CRTC3: variants seen among roughly 807,000 people sequenced by gnomAD.
CRTC3 encodes CREB regulated transcription coactivator 3, also known as CREB-regulated transcription coactivator 3.
CRTC3 carries 26 observed loss-of-function variants against 74.5 expected under a neutral mutation model. The ratio of observed to expected loss-of-function variants is 0.35; its 90% CI spans 0.26 to 0.48. CRTC3 has a LOEUF of 0.48. Among genes scored for constraint, CRTC3 ranks in the 20% least tolerant of loss-of-function variants. The pLI is 0.99. For missense variants in CRTC3, 760 were observed against 787.3 expected, an observed-to-expected ratio of 0.97 and a Z score of 0.41; for synonymous variants, 377 against 325.8, an observed-to-expected ratio of 1.16 and a Z score of -1.69.
At chr15:90,637,545 A>G (rs542706211) in intron 11 of CRTC3, among the ~76,000 whole-genome samples, 3 of 141,904 alleles carry the variant, frequency 2.1e-5, no homozygotes, top group African/African-American at 4.9e-5. Context: ...CTAGAACTTA[A>G]AAAAATAAAA....
intron 2 of CRTC3, among the ~76,000 whole-genome samples, chr15:90,545,822 C>T (rs923630419): frequency 6.6e-6 from 1 of 152,042 alleles, no homozygotes; most frequent in Non-Finnish European, 1.5e-5. Flanking sequence ...TTGTGATCCG[C>T]CCGCCTTGGC....
At chr15:90,577,054 GTTTTTT>G (rs1555448728) in intron 2 of CRTC3, among the ~76,000 whole-genome samples, 1 of 151,234 alleles carries the variant, frequency 6.6e-6, no homozygotes, top group Non-Finnish European at 1.5e-5. Flanking sequence ...GTTTTGTTTT[GTTTTTT>G]TGAGATAGAA....
At chr15:90,638,675 A>G in intron 12 of CRTC3, 29 bp downstream of exon 12, 1 of 1,612,992 alleles carries the variant, frequency 6.2e-7, no homozygotes, top group Non-Finnish European at 8.5e-7. Context: ...GTTGGTGCAG[A>G]GGGAATGCTT....
At chr15:90,627,695 C>T (rs1490169932) in intron 10 of CRTC3, among the ~76,000 whole-genome samples, 1 of 151,116 alleles carries the variant, frequency 6.6e-6, no homozygotes, top group Non-Finnish European at 1.5e-5. Flanking sequence ...CATCTCGGCT[C>T]ACTGCAAGCT....
At chr15:90,540,410 C>T (rs1161171365) in intron 2 of CRTC3, among the ~76,000 whole-genome samples, 3 of 152,186 alleles carry the variant, frequency 2.0e-5, no homozygotes, top group East Asian at 1.9e-4. Context: ...AGAAGAAACA[C>T]GTGGGGTTAA....
intron 6 of CRTC3, among the ~76,000 whole-genome samples, chr15:90,613,429 C>G (rs1008276553): frequency 6.6e-6 from 1 of 152,176 alleles, no homozygotes; most frequent in African/African-American, 2.4e-5. Context: ...GGGCACTCTT[C>G]CTGTTGCCCC....
rs1306008427 is a variant in CRTC3, at chr15:90,643,900, G to A, written c.*1760G>A. On this transcript the variant is annotated 3_prime_UTR_variant, in exon 15 of 15. Transcript: ENST00000268184. Reference sequence around the variant, plus strand: ...AGAGGAGCAAGGCTGTACAATGAGGGTCTGAATCTGGCACACCTGTCCCTT... The same window carrying A: ...AGAGGAGCAAGGCTGTACAATGAGGATCTGAATCTGGCACACCTGTCCCTT... The A allele has an allele frequency of 4.3e-6, 1 of 232,556 alleles. No individual in the cohort carries two copies. The highest frequency in any genetic ancestry group is 2.2e-5 in the African/African-American group (1 of 45,278). The allele number at this position is 232,556 out of a possible 1,614,324, so 14.4% of individuals were successfully genotyped here.
intron 2 of CRTC3, among the ~76,000 whole-genome samples, chr15:90,553,925 C>T (rs1966869479): frequency 6.6e-6 from 1 of 152,150 alleles, no homozygotes; most frequent in South Asian, 2.1e-4. Context: ...TATACTTTGC[C>T]TTAAAATATT....
chr15:90,642,217 C>G lies in CRTC3; in HGVS notation c.*77C>G, dbSNP rs936438931. 7 of 1,271,270 alleles carry G rather than the reference C, an allele frequency of 5.5e-6. No individual in the cohort carries two copies. Among genetic ancestry groups the G allele is most frequent in the East Asian group, 2.3e-5 (1 of 42,910 alleles). 78.7% of individuals were successfully genotyped at this position (1,271,270 alleles called of 1,614,324 possible). A position where few individuals can be genotyped will look rare whatever the true frequency, so the allele number is the denominator to read the frequency against. On this transcript the variant is annotated 3_prime_UTR_variant, in exon 15 of 15. Transcript: ENST00000268184. Reference sequence around the variant, plus strand: ...TGGAATAGAATGAAGCCAGCTGATACCACGGGCTTTCGTTATCTTGACATA... The same window carrying G: ...TGGAATAGAATGAAGCCAGCTGATAGCACGGGCTTTCGTTATCTTGACATA...
At chr15:90,560,900 AGCCCT>A (rs1966997324) in intron 2 of CRTC3, among the ~76,000 whole-genome samples, 7 of 152,212 alleles carry the variant, frequency 4.6e-5, no homozygotes, top group Admixed American at 2.6e-4. Context: ...ATACCATACA[AGCCCT>A]TTTCTTGATC....
chr15:90,532,164 G>A (rs1485730836), intron 1 of CRTC3, among the ~76,000 whole-genome samples: 1 of 152,112 alleles, frequency 6.6e-6, no homozygotes, highest in Non-Finnish European at 1.5e-5. Context: ...TTCTTGGCCA[G>A]TTACCAGTAA....
At position 90,530,346 on chromosome 15, in the gene CRTC3, AGCGGCC is replaced by A. The variant is rs1966605565; in HGVS notation, c.132+150_132+155del. 2.9e-6 allele frequency: 1 copy of A among 347,122 alleles called. No individual in the cohort carries two copies. Among genetic ancestry groups the A allele is most frequent in the Admixed American group, 6.5e-5 (1 of 15,456 alleles). 21.5% of individuals were successfully genotyped at this position (347,122 alleles called of 1,614,324 possible). On this transcript the variant is annotated intron_variant, in intron 1 of 14. Transcript: ENST00000268184. This position sits in a 1 kb window ranked among gnomAD's most constrained non-coding sequence, Gnocchi z 6.2. ...AACCGGCGGCTGGGAGGGGGACCGGAGCGGCCGCGGCCTCGGCGTTTCCCCGCCTGG... is the reference window on the plus strand; with the variant it reads ...AACCGGCGGCTGGGAGGGGGACCGGAGCGGCCTCGGCGTTTCCCCGCCTGG...
At chr15:90,535,943 A>G (rs1966712297) in intron 1 of CRTC3, among the ~76,000 whole-genome samples, 1 of 152,230 alleles carries the variant, frequency 6.6e-6, no homozygotes, top group African/African-American at 2.4e-5. Context: ...TAGCTATCAC[A>G]GTGAATGTCT....
chr15:90,550,573 T>A (rs759434392), intron 2 of CRTC3, among the ~76,000 whole-genome samples: 46 of 152,084 alleles, frequency 3.0e-4, no homozygotes, highest in Non-Finnish European at 4.9e-4. Context: ...ATATTTGCTG[T>A]TGCTATTGTC....
At chr15:90,542,745 A>G (rs887549735) in intron 2 of CRTC3, among the ~76,000 whole-genome samples, 19 of 152,308 alleles carry the variant, frequency 1.2e-4, no homozygotes, top group African/African-American at 4.1e-4. Context: ...TCAGTCTGGA[A>G]CAGCTTTTCA....
intron 5 of CRTC3, 120 bp from the exon 6 acceptor site, chr15:90,607,258 A>G: frequency 4.7e-6 from 3 of 635,042 alleles, no homozygotes; most frequent in South Asian, 4.0e-5. Context: ...CCCTTATTTG[A>G]TGGTTGATTA....
chr15:90,586,332 T>C (rs965174532), intron 2 of CRTC3, among the ~76,000 whole-genome samples: 13 of 151,804 alleles, frequency 8.6e-5, no homozygotes, highest in African/African-American at 2.7e-4. Flanking sequence ...TGCATGTTTT[T>C]AATATATTTT....
At chr15:90,594,603 C>G (rs1160246084) in intron 3 of CRTC3, 1 of 152,188 alleles carries the variant, frequency 6.6e-6, no homozygotes, top group Non-Finnish European at 1.5e-5. Flanking sequence ...CTTCACAAGC[C>G]TAGAAACCAG....
intron 11 of CRTC3, chr15:90,634,921 A>C (rs1425129365): frequency 1.3e-6 from 2 of 1,577,194 alleles, no homozygotes; most frequent in Non-Finnish European, 1.7e-6. Context: ...GTTAGCGTGA[A>C]AGTTGGAGAT....
Sources: allele counts gnomAD v4.1 joint callset (sites outside exome capture counted in the v4.1 genomes callset), GRCh38; gene constraint gnomAD v4.1.1; non-coding constraint Gnocchi (gnomAD v3.1); transcripts MANE v1.5; gene names NCBI Gene and HGNC (gene_info 2026-07-23, HGNC 2026-07-21).